Variants in DNHD1 observed in about 807,000 individuals in gnomAD.
The protein encoded by DNHD1 is dynein heavy chain domain-containing protein 1.
A neutral mutation model predicts 458.1 loss-of-function variants in DNHD1; 383 were observed. The ratio of observed to expected loss-of-function variants is 0.84; its 90% CI spans 0.77 to 0.91. DNHD1 has a LOEUF of 0.91. DNHD1 is among the 40% of genes least tolerant of loss of function. DNHD1 has a pLI of 0.00. For synonymous variants in DNHD1, 2,203 were observed against 2,376.9 expected, an observed-to-expected ratio of 0.93 and a Z score of 2.13; for missense variants, 5,336 against 5,866.1, an observed-to-expected ratio of 0.91 and a Z score of 2.95.
chr11:6,565,657 T>TC, intron 32 of DNHD1, 38 bp from the exon 33 acceptor site: 1 of 1,499,544 alleles, frequency 6.7e-7, no homozygotes, highest in South Asian at 1.4e-5. Context: ...GTCTGATTCC[T>TC]CCCCTAAGAA....
In DNHD1 at chr11:6,544,992, G is replaced by A. The variant is rs1034831049; in HGVS notation, c.4053G>A (p.Gly1351=). The change falls in exon 21 of 43, where the codon GGG becomes GGA. Residue 1351 remains glycine (G), a synonymous_variant. Transcript: ENST00000254579. Reference sequence around the variant, plus strand: ...TGAGTCTGGAGAGCGTGCTCTATGGGGTGTGTGCTCACTTCCCCCGCCTCT... The same window carrying A: ...TGAGTCTGGAGAGCGTGCTCTATGGAGTGTGTGCTCACTTCCCCCGCCTCT... ...IIMSLESVLY[G]VCAHFPRLFF... 2.6e-6 allele frequency: 4 copies of A among 1,551,618 alleles called. No homozygotes were observed. The South Asian group carries it at 3.6e-5, about 14-fold the overall frequency.
intron 3 of DNHD1, among the ~76,000 whole-genome samples, chr11:6,499,558 G>GTTTC (rs201829872): frequency 0.022 from 3,344 of 151,888 alleles, 48 homozygotes; most frequent in Non-Finnish European, 0.032. Context: ...TTTTTCTTTT[G>GTTTC]TTTCTTTCTT....
intron 41 of DNHD1, 96 bp downstream of exon 41, chr11:6,570,492 A>G (rs1409742791): frequency 2.7e-6 from 4 of 1,486,102 alleles, no homozygotes; most frequent in African/African-American, 1.4e-5. Context: ...ATAAAGGTAT[A>G]TGAGGGGGTA....
At position 6,538,376 on chromosome 11, in the gene DNHD1, C is replaced by G. The variant is rs1206037837; in HGVS notation, c.2999-7C>G. On this transcript the variant is annotated splice_region_variant and splice_polypyrimidine_tract_variant and intron_variant, in intron 14 of 42. Coordinates refer to ENST00000254579, the MANE Select transcript of DNHD1 (RefSeq NM_144666.3). ...AGCCCAGGTCTCAAGTCAGCCCTCCCCCACAGAGGATGAGACTCCTGTGCC... is the reference window on the plus strand; with the variant it reads ...AGCCCAGGTCTCAAGTCAGCCCTCCGCCACAGAGGATGAGACTCCTGTGCC... 3 of 1,551,720 alleles carry G rather than the reference C, an allele frequency of 1.9e-6. No individual in the cohort carries two copies. The highest frequency in any genetic ancestry group is 1.7e-6 in the Non-Finnish European group (2 of 1,146,992).
At chr11:6,551,743 C>A (rs532212510) in intron 24 of DNHD1, among the ~76,000 whole-genome samples, 1 of 152,142 alleles carries the variant, frequency 6.6e-6, no homozygotes, top group Non-Finnish European at 1.5e-5. Flanking sequence ...GAGATGGAGA[C>A]CATCCTGGCC....
intron 4 of DNHD1, chr11:6,508,395 C>G (rs1465136561): frequency 6.5e-6 from 1 of 152,928 alleles, no homozygotes. Context: ...GTTTTTCCAT[C>G]AAATAACATT....
At chr11:6,569,057 T>G (rs1853775575) in intron 39 of DNHD1, among the ~76,000 whole-genome samples, 191 bp downstream of exon 39, 2 of 152,116 alleles carry the variant, frequency 1.3e-5, no homozygotes, top group Admixed American at 6.6e-5. Flanking sequence ...CAGAGGCAAA[T>G]CAGGTAGAGA....
chr11:6,509,128 C>T, intron 5 of DNHD1, 34 bp from the exon 6 acceptor site: 3 of 1,613,952 alleles, frequency 1.9e-6, no homozygotes, highest in Non-Finnish European at 2.5e-6. Context: ...TGGATGACAG[C>T]AACAGTATAT....
chr11:6,556,777 G>A lies in DNHD1; in HGVS notation c.7482G>A (p.Leu2494=). 6.4e-7 allele frequency: 1 copy of A among 1,551,632 alleles called. No individual in the cohort carries two copies. The highest frequency in any genetic ancestry group is 8.7e-7 in the Non-Finnish European group (1 of 1,146,926). ...YAHSTLELQT[L]QPTVNFLATV... ...ACAGCACCTTGGAACTGCAGACGCTGCAGCCTACAGTCAACTTCCTTGCCA... is the reference window on the plus strand; with the variant it reads ...ACAGCACCTTGGAACTGCAGACGCTACAGCCTACAGTCAACTTCCTTGCCA... The change falls in exon 25 of 43, where the codon CTG becomes CTA. Residue 2494 remains leucine, a synonymous_variant. Coordinates refer to ENST00000254579, the MANE Select transcript of DNHD1 (RefSeq NM_144666.3).
intron 28 of DNHD1, 47 bp downstream of exon 28, chr11:6,559,330 C>T: frequency 6.7e-7 from 1 of 1,486,216 alleles, no homozygotes; most frequent in Non-Finnish European, 9.1e-7. Context: ...AAAGCAGGAG[C>T]CCAAAGGGGA....
rs1852060704 is a variant in DNHD1 at position 6,497,938 on chromosome 11, G to A, written c.-278G>A. 4.1e-6 allele frequency: 2 copies of A among 493,070 alleles called. No individual in the cohort carries two copies. Among genetic ancestry groups the A allele is most frequent in the Admixed American group, 7.0e-5 (2 of 28,712 alleles). The allele number at this position is 493,070 out of a possible 1,614,324, so 30.5% of individuals were successfully genotyped here. Reference sequence around the variant, plus strand: ...AGGCCTGCTCCTTACCAGAGTCTTTGGGGAAGCAGTAGGGAGGGCCTGAGG... The same window carrying A: ...AGGCCTGCTCCTTACCAGAGTCTTTAGGGAAGCAGTAGGGAGGGCCTGAGG... On this transcript the variant is annotated 5_prime_UTR_variant, in exon 3 of 43. It introduces an in-frame stop codon into an upstream open reading frame of the 5' UTR. Coordinates refer to ENST00000254579, the MANE Select transcript of DNHD1 (RefSeq NM_144666.3).
Position 6,557,505 on chromosome 11 carries a change from A to C in DNHD1, c.8210A>C (p.Gln2737Pro), listed in dbSNP as rs1243287921. The change falls in exon 25 of 43, where the codon CAG (glutamine) becomes CCG (proline). Residue 2737 changes from glutamine (Q) to proline (P), a missense_variant. Transcript: ENST00000254579. ...GAGGAAGAGGAACCTTATGGCCTTCAGGTCGCCAGAGTCTCAAACTCCAGA... is the reference window on the plus strand; with the variant it reads ...GAGGAAGAGGAACCTTATGGCCTTCCGGTCGCCAGAGTCTCAAACTCCAGA... ...TEEEEEPYGL[Q>P]VARVSNSRDP... 1 of 1,551,760 alleles carries C rather than the reference A, an allele frequency of 6.4e-7. No homozygotes were observed. Among genetic ancestry groups the C allele is most frequent in the Non-Finnish European group, 8.7e-7 (1 of 1,147,014 alleles).
Position 6,563,762 on chromosome 11 carries a change from G to C in DNHD1, c.9922G>C (p.Ala3308Pro), listed in dbSNP as rs1038581472. The change falls in exon 31 of 43, where the codon GCT becomes CCT. Residue 3308 changes from alanine to proline, a missense_variant. Ala to Pro is a conservative substitution (Grantham distance 27). This residue lies in a region of DNHD1 where 3,932 missense variants were observed against 4,365.6 expected (regional missense o/e 0.90). Transcript: ENST00000254579. The stretch of plus-strand genomic sequence containing the variant: ...GATAAAGTTACATCTAATTCTGAAG[G>C]CTCCAGGTATGGACGATGCAGCCCT... ...ELIKLHLILK[A>P]PGMDDAALRA... 15 of 1,551,258 alleles carry C rather than the reference G, an allele frequency of 9.7e-6. No homozygotes were observed. The highest frequency in any genetic ancestry group is 2.7e-5 in the African/African-American group (2 of 73,052).
intron 3 of DNHD1, 144 bp downstream of exon 3, chr11:6,499,105 G>T: frequency 1.1e-6 from 1 of 927,796 alleles, no homozygotes; most frequent in South Asian, 2.2e-5. Context: ...CTAGTGTGAG[G>T]CTACTTTCCT....
chr11:6,550,318 T>G (rs1853314262), intron 24 of DNHD1, among the ~76,000 whole-genome samples: 1 of 152,230 alleles, frequency 6.6e-6, no homozygotes, highest in Non-Finnish European at 1.5e-5. Flanking sequence ...CCAGCTATAT[T>G]ATTTGGTCTT....
chr11:6,562,453 C>T (rs946834418), intron 28 of DNHD1, among the ~76,000 whole-genome samples: 8 of 151,686 alleles, frequency 5.3e-5, no homozygotes, highest in Non-Finnish European at 1.0e-4. Flanking sequence ...GCAGTTGGAA[C>T]GTAAGTAGGA....
chr11:6,568,142 G>T lies in DNHD1; in HGVS notation c.12438G>T (p.Met4146Ile). ...TGGTCAGCACTCTATCCCAGGCTAT[G>T]TATGAGGGGCACTGGCTGGTGCTGG... Reference protein sequence around the residue: ...SVVVSTLSQAMYEGHWLVLDN... With the variant: ...SVVVSTLSQAIYEGHWLVLDN... The change falls in exon 37 of 43, where the codon ATG becomes ATT. Residue 4146 changes from methionine to isoleucine, a missense_variant. Coordinates refer to ENST00000254579, the MANE Select transcript of DNHD1 (RefSeq NM_144666.3). 1 of 1,560,282 alleles carries T rather than the reference G, an allele frequency of 6.4e-7. No homozygotes were observed. The highest frequency in any genetic ancestry group is 8.7e-7 in the Non-Finnish European group (1 of 1,151,296).
intron 7 of DNHD1, 60 bp downstream of exon 7, chr11:6,511,489 G>A: frequency 6.3e-7 from 1 of 1,585,436 alleles, no homozygotes; most frequent in Non-Finnish European, 8.6e-7. Context: ...CAGAGTTTCA[G>A]CCTCCTCTTA....
At chr11:6,538,845 G>C (rs892671688) in intron 16 of DNHD1, 35 bp downstream of exon 16, 7 of 1,465,856 alleles carry the variant, frequency 4.8e-6, no homozygotes, top group Non-Finnish European at 6.4e-6. Context: ...GGGGGAAAGG[G>C]AAATATGTGA....
Sources: gnomAD v4.1 joint callset for allele counts (sites outside exome capture counted in the v4.1 genomes callset) on GRCh38, gnomAD v4.1.1 for gene constraint, gnomAD v4.1.1 regional missense constraint, MANE v1.5 for transcripts, NCBI Gene and HGNC (gene_info 2026-07-23, HGNC 2026-07-21) for gene names.